Variants in DROSHA observed in about 807,000 individuals in gnomAD.
DROSHA encodes ribonuclease 3.
DROSHA carries 56 observed loss-of-function variants against 181.9 expected under a neutral mutation model. The observed-to-expected ratio is 0.31, with a 90% confidence interval of 0.25 to 0.38. The LOEUF is 0.38. DROSHA is among the 10% of genes least tolerant of loss of function. The probability of loss-of-function intolerance (pLI) is 1.00; values close to 1 mark genes in which losing one functional copy is unlikely to be tolerated. For missense variants in DROSHA, 1,218 were observed against 1,743.5 expected, an observed-to-expected ratio of 0.70 and a Z score of 5.37; for synonymous variants, 524 against 591.2, an observed-to-expected ratio of 0.89 and a Z score of 1.65.
chr5:31,479,800 T>G (rs1750814988), intron 16 of DROSHA, among the ~76,000 whole-genome samples: 1 of 152,164 alleles, frequency 6.6e-6, no homozygotes, highest in East Asian at 1.9e-4. Flanking sequence ...ACCAAAGACA[T>G]GTACGTGTTG....
intron 13 of DROSHA, among the ~76,000 whole-genome samples, chr5:31,491,459 C>T (rs1186295232): frequency 1.3e-5 from 2 of 152,176 alleles, no homozygotes; most frequent in Non-Finnish European, 2.9e-5. Context: ...AGCCACACTG[C>T]TATCCTTCTT....
chr5:31,408,070 G>C lies in DROSHA; in HGVS notation c.3854+986C>G, dbSNP rs951040846. Among the ~76,000 whole-genome samples the C allele has an allele frequency of 2.6e-5, 4 of 152,182 alleles. 1 individual carries two copies. In the Middle Eastern group the frequency reaches 0.01, roughly 388 times the overall value. ...GTGGGGTGACTCAACCTCTTCTTCT[G>C]GCCTTAGTTTCTCTTTAGCAAAAAG... is the stretch of plus-strand genomic sequence containing the variant. On this transcript the variant is annotated intron_variant, in intron 33 of 35. Transcript: ENST00000344624.
chr5:31,526,875 G>T lies in DROSHA; in HGVS notation c.58C>A (p.Arg20=), dbSNP rs756768261. 2 of 1,613,072 alleles carry T rather than the reference G, an allele frequency of 1.2e-6. No homozygotes were observed. The highest frequency in any genetic ancestry group is 2.2e-5 in the South Asian group (2 of 91,036). The change falls in exon 5 of 36, where the codon CGA becomes AGA. Residue 20 remains arginine, a synonymous_variant. Transcript: ENST00000344624. Reference sequence around the variant, plus strand: ...CTGGCTCCATGTCCTCCTCGTCCTCGGGGACACCCTCGTCCCGGGTGGAAC... The same window carrying T: ...CTGGCTCCATGTCCTCCTCGTCCTCTGGGACACCCTCGTCCCGGGTGGAAC... ...MSFHPGRGCP[R]GRGGHGARPS...
Position 31,464,282 on chromosome 5 carries a change from C to A in DROSHA, c.2528G>T (p.Ser843Ile). Residue 843 changes from serine to isoleucine, a missense_variant, in exon 20 of 36, where the codon AGT becomes ATT. Coordinates refer to ENST00000344624, the MANE Select transcript of DROSHA (RefSeq NM_001382508.1). Reference sequence around the variant, plus strand: ...GCCAGTTTTCCAGAATCCTTGGCTACTTAGCTCCACCGTTACTTCTCGTCT... The same window carrying A: ...GCCAGTTTTCCAGAATCCTTGGCTAATTAGCTCCACCGTTACTTCTCGTCT... ...TMRREVTVEL[S>I]SQGFWKTGIR... 1 of 1,613,418 alleles carries A rather than the reference C, an allele frequency of 6.2e-7. No homozygotes were observed. The highest frequency in any genetic ancestry group is 8.5e-7 in the Non-Finnish European group (1 of 1,179,646).
At chr5:31,449,240 C>A in intron 22 of DROSHA, 41 bp downstream of exon 22, 1 of 1,608,568 alleles carries the variant, frequency 6.2e-7, no homozygotes, top group African/African-American at 1.3e-5. Flanking sequence ...AAAACACAGG[C>A]CAAAATAGGA....
At chr5:31,510,480 TTC>T (rs1285965404) in intron 9 of DROSHA, among the ~76,000 whole-genome samples, 1 of 152,244 alleles carries the variant, frequency 6.6e-6, no homozygotes, top group Admixed American at 6.5e-5. Context: ...GTGCATGGCA[TTC>T]TGTTAGGGGC....
intron 23 of DROSHA, among the ~76,000 whole-genome samples, chr5:31,442,525 T>C (rs892880861): frequency 6.6e-6 from 1 of 152,148 alleles, no homozygotes; most frequent in African/African-American, 2.4e-5. Context: ...ACAGAGGCAT[T>C]ATGAAATCTA....
intron 15 of DROSHA, among the ~76,000 whole-genome samples, chr5:31,484,316 G>GT (rs1297751234): frequency 2.8e-5 from 4 of 140,682 alleles, no homozygotes; most frequent in African/African-American, 1.1e-4. Context: ...GGAGCTTGCA[G>GT]TGAGCCGAGA....
At chr5:31,489,912 C>CTTTTT (rs1752199710) in intron 13 of DROSHA, among the ~76,000 whole-genome samples, 1 of 11,480 alleles carries the variant, frequency 8.7e-5, no homozygotes, top group African/African-American at 1.1e-4. Context: ...GAGTTTCGCT[C>CTTTTT]TTGTCGCCCA....
chr5:31,454,784 C>CA (rs1747441333), intron 20 of DROSHA, among the ~76,000 whole-genome samples: 1 of 151,580 alleles, frequency 6.6e-6, no homozygotes, highest in African/African-American at 2.4e-5. Context: ...ACTAAAAACA[C>CA]AAAAAATTAG....
At chr5:31,472,671 T>C (rs972722908) in intron 16 of DROSHA, among the ~76,000 whole-genome samples, 1 of 152,240 alleles carries the variant, frequency 6.6e-6, no homozygotes, top group Non-Finnish European at 1.5e-5. Flanking sequence ...TCTAAGCTTT[T>C]GTGAGATATT....
At chr5:31,412,068 C>T (rs1161368659) in intron 30 of DROSHA, among the ~76,000 whole-genome samples, 1 of 152,216 alleles carries the variant, frequency 6.6e-6, no homozygotes, top group Non-Finnish European at 1.5e-5. Context: ...TAACACTATA[C>T]ACTGCATGAA....
intron 20 of DROSHA, 73 bp from the exon 21 acceptor site, chr5:31,451,713 G>T: frequency 1.6e-6 from 2 of 1,241,980 alleles, no homozygotes; most frequent in Non-Finnish European, 2.3e-6. Context: ...TTTACAACAA[G>T]CCAGAACCAT....
rs1740927223 is a variant in DROSHA at position 31,529,127 on chromosome 5, A to G, written c.-46-22T>C. Reference sequence around the variant, plus strand: ...AGCTCTAAAAAACAGAAAGAATAAAACAGACATAAACATGTTTCCCAAACT... The same window carrying G: ...AGCTCTAAAAAACAGAAAGAATAAAGCAGACATAAACATGTTTCCCAAACT... On this transcript the variant is annotated intron_variant, in intron 3 of 35. Transcript: ENST00000344624. 4.4e-6 allele frequency: 7 copies of G among 1,573,398 alleles called. No individual in the cohort carries two copies. In the Middle Eastern group the frequency reaches 6.7e-4, roughly 150 times the overall value.
chr5:31,488,255 A>G (rs1752012207), intron 13 of DROSHA, among the ~76,000 whole-genome samples: 1 of 151,996 alleles, frequency 6.6e-6, no homozygotes, highest in African/African-American at 2.4e-5. Flanking sequence ...CGTCTCTACT[A>G]AAAATACAAA....
intron 6 of DROSHA, among the ~76,000 whole-genome samples, chr5:31,516,760 C>A (rs1029122395): frequency 6.6e-6 from 1 of 152,106 alleles, no homozygotes; most frequent in African/African-American, 2.4e-5. Context: ...ATCAGGAACA[C>A]CTATTTCAAT....
chr5:31,447,449 A>T (rs964924537), intron 23 of DROSHA, among the ~76,000 whole-genome samples: 11 of 152,180 alleles, frequency 7.2e-5, no homozygotes, highest in African/African-American at 2.7e-4. Flanking sequence ...ATCCCCACTG[A>T]CTTATTTGCA....
At chr5:31,455,924 G>A (rs1413641502) in intron 20 of DROSHA, among the ~76,000 whole-genome samples, 1 of 152,158 alleles carries the variant, frequency 6.6e-6, no homozygotes, top group Non-Finnish European at 1.5e-5. Context: ...TTACAGTTGT[G>A]AGTACCTGTA....
At position 31,514,596 on chromosome 5, in the gene DROSHA, G is replaced by A. The variant is rs1241271974; in HGVS notation, c.1290+392C>T. 6.6e-6 allele frequency among the ~76,000 whole-genome samples: 1 copy of A among 152,182 alleles called. No individual in the cohort carries two copies. Among genetic ancestry groups the A allele is most frequent in the Non-Finnish European group, 1.5e-5 (1 of 68,040 alleles). On this transcript the variant is annotated intron_variant, in intron 8 of 35. Transcript: ENST00000344624. The surrounding 1 kb of genome is among the most constrained non-coding windows in gnomAD (Gnocchi z 4.4). ...GAAGATCAAGGCTGCAGTGAGCCAC[G>A]ATGGTGCCACTGCACTCCAGCCTGG...
Sources: allele counts gnomAD v4.1 joint callset (sites outside exome capture counted in the v4.1 genomes callset), GRCh38; gene constraint gnomAD v4.1.1; non-coding constraint Gnocchi (gnomAD v3.1); transcripts MANE v1.5; gene names NCBI Gene and HGNC (gene_info 2026-07-23, HGNC 2026-07-21).